ANO10: variants seen among roughly 807,000 people sequenced by gnomAD.
The protein encoded by ANO10 is anoctamin 10.
A neutral mutation model predicts 74.7 loss-of-function variants in ANO10; 77 were observed. The ratio of observed to expected loss-of-function variants is 1.03; its 90% CI spans 0.86 to 1.25. The LOEUF (loss-of-function observed/expected upper bound fraction) is 1.25, where lower values mean the gene tolerates loss of function less well. ANO10 is among the 50% of genes most tolerant of loss of function. The pLI, the probability that ANO10 is intolerant of heterozygous loss-of-function variation, is 0.00. For missense variants in ANO10, 721 were observed against 778.1 expected (o/e 0.93, Z 0.87); for synonymous variants, 279 against 284.9 (o/e 0.98, Z 0.21).
At chr3:43,607,346 A>AT in intron 1 of ANO10, among the ~76,000 whole-genome samples, 1 of 151,624 alleles carries the variant, frequency 6.6e-6, no homozygotes, top group African/African-American at 2.4e-5. Context: ...AAAAAAAAAA[A>AT]CAAAACAAAC....
intron 1 of ANO10, among the ~76,000 whole-genome samples, chr3:43,630,277 T>A (rs1330529440): frequency 6.6e-6 from 1 of 152,194 alleles, no homozygotes; most frequent in African/African-American, 2.4e-5. Flanking sequence ...AACTAAAATC[T>A]AAATACTAAA....
At position 43,426,489 on chromosome 3, in the gene ANO10, T is replaced by C. The variant is rs568232285; in HGVS notation, c.1914+6122A>G. Among the ~76,000 whole-genome samples the C allele has an allele frequency of 2.6e-5, 4 of 152,300 alleles. No homozygotes were observed. In the South Asian group the frequency reaches 8.3e-4, roughly 32 times the overall value. Reference sequence around the variant, plus strand: ...GTGTCTCCTTAAAGTCCTTCTCTTGTTCATTTAACTGATTCCTGAGGCTGT... The same window carrying C: ...GTGTCTCCTTAAAGTCCTTCTCTTGCTCATTTAACTGATTCCTGAGGCTGT... On this transcript the variant is annotated intron_variant, in intron 12 of 12. Transcript: ENST00000292246.
chr3:43,372,772 G>T, intron 12 of ANO10: 2 of 1,402,056 alleles, frequency 1.4e-6, no homozygotes, highest in Non-Finnish European at 2.0e-6. Context: ...TAGACCCCAG[G>T]ACCTATGACA....
chr3:43,446,739 A>G (rs1176925333), intron 11 of ANO10, among the ~76,000 whole-genome samples: 1 of 152,214 alleles, frequency 6.6e-6, no homozygotes, highest in Admixed American at 6.5e-5. Flanking sequence ...GGGAAGATGA[A>G]TATTCATAGG....
At chr3:43,420,263 T>A (rs1193184853) in intron 12 of ANO10, among the ~76,000 whole-genome samples, 1 of 151,560 alleles carries the variant, frequency 6.6e-6, no homozygotes, top group Non-Finnish European at 1.5e-5. Flanking sequence ...CTGGGCAACA[T>A]GATGAAACCC....
At chr3:43,483,750 G>A (rs1201776842) in intron 11 of ANO10, among the ~76,000 whole-genome samples, 4 of 152,138 alleles carry the variant, frequency 2.6e-5, no homozygotes, top group South Asian at 2.1e-4. Context: ...AAGCAAAAAC[G>A]TAAATCAATA....
At chr3:43,469,555 G>A (rs2075769088) in intron 11 of ANO10, among the ~76,000 whole-genome samples, 1 of 152,122 alleles carries the variant, frequency 6.6e-6, no homozygotes, top group South Asian at 2.1e-4. Flanking sequence ...GCTTCTGGAA[G>A]TGCCAAGAAC....
At chr3:43,448,656 C>T (rs544724498) in intron 11 of ANO10, among the ~76,000 whole-genome samples, 10 of 152,294 alleles carry the variant, frequency 6.6e-5, no homozygotes, top group African/African-American at 2.4e-4. Context: ...CTATAAACAT[C>T]CATCTGCAGG....
intron 11 of ANO10, among the ~76,000 whole-genome samples, chr3:43,441,361 G>C (rs1022698679): frequency 6.6e-6 from 1 of 151,868 alleles, no homozygotes; most frequent in Non-Finnish European, 1.5e-5. Context: ...CGATGCCACA[G>C]AAATAAAATA....
At chr3:43,529,467 G>A (rs536168267) in intron 11 of ANO10, among the ~76,000 whole-genome samples, 1 of 152,280 alleles carries the variant, frequency 6.6e-6, no homozygotes, top group East Asian at 1.9e-4. Flanking sequence ...TCCAGGTGAT[G>A]AGTATGCTCA....
At chr3:43,679,274 C>T (rs184154888) in intron 1 of ANO10, among the ~76,000 whole-genome samples, 13 of 152,312 alleles carry the variant, frequency 8.5e-5, no homozygotes, top group East Asian at 3.9e-4. Flanking sequence ...TCTTAGCAAA[C>T]GGCACACCAG....
At chr3:43,586,155 G>A (rs538909003) in intron 4 of ANO10, among the ~76,000 whole-genome samples, 12 of 152,266 alleles carry the variant, frequency 7.9e-5, no homozygotes, top group South Asian at 2.1e-4. Flanking sequence ...ATGAGGGTGC[G>A]TGACAGACAC....
At chr3:43,376,119 A>G (rs960847059) in intron 12 of ANO10, among the ~76,000 whole-genome samples, 1 of 152,230 alleles carries the variant, frequency 6.6e-6, no homozygotes, top group Non-Finnish European at 1.5e-5. Context: ...AACAAAGAGC[A>G]TGGCAAGAAC....
At chr3:43,573,744 C>G (rs759061257) in intron 7 of ANO10, among the ~76,000 whole-genome samples, 1 of 152,152 alleles carries the variant, frequency 6.6e-6, no homozygotes, top group African/African-American at 2.4e-5. Flanking sequence ...ACTGCTTTCT[C>G]TCTGTCTCTT....
At chr3:43,416,617 C>T (rs771361053) in intron 12 of ANO10, among the ~76,000 whole-genome samples, 3 of 152,134 alleles carry the variant, frequency 2.0e-5, no homozygotes, top group Non-Finnish European at 4.4e-5. Context: ...TTTGCTCTCC[C>T]ACTACTTACT....
rs2093003399 is a variant in ANO10 at position 43,432,743 on chromosome 3, A to G, written c.1798-16T>C. ...GGAGTGCGTGCTGAAAACAAGAAAG[A>G]GTACATGTTGATGTGATACATCAGA... On this transcript the variant is annotated splice_polypyrimidine_tract_variant and intron_variant, in intron 11 of 12. Transcript: ENST00000292246. 6.5e-7 allele frequency: 1 copy of G among 1,531,954 alleles called. No individual in the cohort carries two copies. Among genetic ancestry groups the G allele is most frequent in the African/African-American group, 1.4e-5 (1 of 73,320 alleles). 94.9% of individuals were successfully genotyped at this position (1,531,954 alleles called of 1,614,324 possible).
intron 11 of ANO10, among the ~76,000 whole-genome samples, chr3:43,534,472 G>T (rs1227134710): frequency 6.6e-6 from 1 of 151,378 alleles, no homozygotes; most frequent in Non-Finnish European, 1.5e-5. Flanking sequence ...GAACGTGCGC[G>T]CATGAGAGAG....
chr3:43,400,384 G>A (rs930577598), intron 12 of ANO10, among the ~76,000 whole-genome samples: 1 of 152,014 alleles, frequency 6.6e-6, no homozygotes, highest in South Asian at 2.1e-4. Flanking sequence ...ATGAAAGCCA[G>A]CTGGCTACAT....
intron 11 of ANO10, among the ~76,000 whole-genome samples, chr3:43,499,196 C>T (rs192034127): frequency 1.5e-3 from 222 of 152,222 alleles, no homozygotes; most frequent in African/African-American, 5.1e-3. Context: ...AAAATAAACT[C>T]GGCAAGTATT....
Sources: gnomAD v4.1 joint callset for allele counts (sites outside exome capture counted in the v4.1 genomes callset) on GRCh38, gnomAD v4.1.1 for gene constraint, MANE v1.5 for transcripts, NCBI Gene and HGNC (gene_info 2026-07-23, HGNC 2026-07-21) for gene names.